LINGO2: variants seen among roughly 807,000 people sequenced by gnomAD.
The protein encoded by LINGO2 is leucine-rich repeat and immunoglobulin-like domain-containing nogo receptor-interacting protein 2.
LINGO2 carries 14 observed loss-of-function variants against 30.6 expected under a neutral mutation model. The ratio of observed to expected loss-of-function variants is 0.46; its 90% CI spans 0.30 to 0.72. The LOEUF (loss-of-function observed/expected upper bound fraction) is 0.72, where lower values mean the gene tolerates loss of function less well. LINGO2 is among the 30% of genes least tolerant of loss of function. LINGO2 has a pLI of 0.07. For synonymous variants in LINGO2, 317 were observed against 288.5 expected (o/e 1.10, Z -1.00); for missense variants, 729 against 751.7 (o/e 0.97, Z 0.35).
At chr9:29,104,329 T>C in the LINGO2 span, among the ~76,000 whole-genome samples, 8 of 152,032 alleles carry the variant, frequency 5.3e-5, no homozygotes, top group African/African-American at 1.9e-4. Context: ...GAAGATCTCC[T>C]TGTTTAAAAG....
At chr9:28,431,829 T>G (rs1430216478) in intron 2 of LINGO2, among the ~76,000 whole-genome samples, 3 of 152,204 alleles carry the variant, frequency 2.0e-5, no homozygotes, top group Non-Finnish European at 4.4e-5. Context: ...TTTAGGCTGA[T>G]TTCTCCTCAA....
At chr9:28,526,902 G>T (rs186385989) in intron 1 of LINGO2, among the ~76,000 whole-genome samples, 29 of 152,200 alleles carry the variant, frequency 1.9e-4, no homozygotes, top group African/African-American at 7.0e-4. Context: ...AAATTATAGG[G>T]AATGTTTACC....
chr9:29,119,667 C>G, the LINGO2 span, among the ~76,000 whole-genome samples: 1 of 138,198 alleles, frequency 7.2e-6, no homozygotes, highest in African/African-American at 2.7e-5. Flanking sequence ...CTCACTACAA[C>G]TTCCACTTCC....
intron 4 of LINGO2, among the ~76,000 whole-genome samples, chr9:28,159,970 A>G (rs750713602): frequency 1.3e-5 from 2 of 152,174 alleles, no homozygotes; most frequent in Non-Finnish European, 2.9e-5. Context: ...ACCCAAACTC[A>G]TTATACATGA....
chr9:29,206,992 G>A, the LINGO2 span, among the ~76,000 whole-genome samples: 9 of 151,796 alleles, frequency 5.9e-5, no homozygotes, highest in African/African-American at 1.2e-4. Flanking sequence ...CTCACCTCAC[G>A]AGGACTGCTT....
At chr9:28,026,008 A>G (rs1428342199) in intron 4 of LINGO2, among the ~76,000 whole-genome samples, 3 of 152,312 alleles carry the variant, frequency 2.0e-5, no homozygotes, top group Non-Finnish European at 2.9e-5. Context: ...TGGGTCTCCA[A>G]TGCTTCATCC....
intron 4 of LINGO2, among the ~76,000 whole-genome samples, chr9:28,177,671 G>T (rs567643933): frequency 2.6e-5 from 4 of 152,108 alleles, no homozygotes; most frequent in African/African-American, 9.6e-5. Context: ...ATAAAAAGGA[G>T]CAACAAATAA....
intron 1 of LINGO2, among the ~76,000 whole-genome samples, chr9:28,544,806 A>G (rs1456034159): frequency 6.7e-6 from 1 of 149,984 alleles, no homozygotes; most frequent in African/African-American, 2.4e-5. Flanking sequence ...ATAATAAGAA[A>G]GCACAACAAA....
At chr9:28,858,295 G>C in the LINGO2 span, among the ~76,000 whole-genome samples, 1 of 151,948 alleles carries the variant, frequency 6.6e-6, no homozygotes, top group Non-Finnish European at 1.5e-5. Context: ...TGGTTTACTG[G>C]TTGTCAGGCA....
At chr9:28,286,813 G>T (rs951046356) in intron 4 of LINGO2, among the ~76,000 whole-genome samples, 1 of 152,126 alleles carries the variant, frequency 6.6e-6, no homozygotes, top group African/African-American at 2.4e-5. Flanking sequence ...CTTTCAGAAG[G>T]TAGAGGGTGG....
intron 1 of LINGO2, among the ~76,000 whole-genome samples, chr9:28,498,844 C>T (rs1443476952): frequency 6.6e-6 from 1 of 151,878 alleles, no homozygotes; most frequent in East Asian, 1.9e-4. Context: ...GTGTCTAGTG[C>T]ATGAAAGATA....
chr9:28,605,709 A>G (rs1195108061), intron 1 of LINGO2, among the ~76,000 whole-genome samples: 1 of 152,054 alleles, frequency 6.6e-6, no homozygotes, highest in East Asian at 1.9e-4. Flanking sequence ...GAATGTCTCC[A>G]TCAGGACTGC....
chr9:28,263,646 G>A (rs956454094), intron 4 of LINGO2, among the ~76,000 whole-genome samples: 3 of 151,930 alleles, frequency 2.0e-5, no homozygotes, highest in Admixed American at 6.6e-5. Flanking sequence ...GTGCCACCCC[G>A]CATGGAGGAG....
At chr9:29,122,048 T>C in the LINGO2 span, among the ~76,000 whole-genome samples, 1 of 152,086 alleles carries the variant, frequency 6.6e-6, no homozygotes, top group Non-Finnish European at 1.5e-5. Flanking sequence ...GGAGGGTCAA[T>C]GTTTCTGTAC....
chr9:27,978,986 C>T (rs532505728), intron 5 of LINGO2, among the ~76,000 whole-genome samples: 1 of 152,092 alleles, frequency 6.6e-6, no homozygotes, highest in African/African-American at 2.4e-5. Context: ...GAGTTCAAGG[C>T]TCAGAGAAGT....
At chr9:28,233,061 T>TATATATATA (rs60875467) in intron 4 of LINGO2, among the ~76,000 whole-genome samples, 22 of 118,798 alleles carry the variant, frequency 1.9e-4, no homozygotes, top group East Asian at 4.8e-4. Context: ...TATATATATA[T>TATATATATA]TAGATATATA....
the LINGO2 span, among the ~76,000 whole-genome samples, chr9:28,918,362 G>A: frequency 4.3e-3 from 648 of 152,268 alleles, 5 homozygotes; most frequent in African/African-American, 0.014. Context: ...GGGAATTATG[G>A]GAGTACAATT....
chr9:28,005,840 A>C (rs1352391475), intron 5 of LINGO2, among the ~76,000 whole-genome samples: 2 of 152,100 alleles, frequency 1.3e-5, no homozygotes, highest in African/African-American at 4.8e-5. Context: ...GAAAGCATCC[A>C]AAAATGCATA....
the LINGO2 span, among the ~76,000 whole-genome samples, chr9:29,189,099 ACCGCCCCGCCTCCCTCCCGGACGGGGCG>A: frequency 4.1e-5 from 2 of 48,370 alleles, no homozygotes; most frequent in Non-Finnish European, 9.6e-5. Flanking sequence ...CGGCTGGCCG[ACCGCCCCGCCTCCCTCCCGGACGGGGCG>A]GCTGGCCGGG....
Sources: allele counts gnomAD v4.1 joint callset (sites outside exome capture counted in the v4.1 genomes callset), GRCh38; gene constraint gnomAD v4.1.1; transcripts MANE v1.5; gene names NCBI Gene and HGNC (gene_info 2026-07-23, HGNC 2026-07-21).